The following SDC2 variants were observed in gnomAD, a reference collection of about 807,000 sequenced individuals.
The protein encoded by SDC2 is syndecan-2.
A neutral mutation model predicts 22.2 loss-of-function variants in SDC2; 13 were observed. The ratio of observed to expected loss-of-function variants is 0.59; its 90% confidence interval spans 0.38 to 0.93. SDC2 has a LOEUF of 0.93. SDC2 is among the 40% of genes least tolerant of loss of function. The probability of loss-of-function intolerance (pLI) is 0.00; values close to 1 mark genes in which losing one functional copy is unlikely to be tolerated. For synonymous variants in SDC2, 94 were observed against 92.8 expected, an observed-to-expected ratio of 1.01 and a Z score of -0.07; for missense variants, 235 against 246.8, an observed-to-expected ratio of 0.95 and a Z score of 0.32.
At chr8:96,592,138 G>T (rs1814791172) in intron 1 of SDC2, among the ~76,000 whole-genome samples, 1 of 152,256 alleles carries the variant, frequency 6.6e-6, no homozygotes, top group African/African-American at 2.4e-5. Context: ...GAATCCACCA[G>T]TGTGATAGCT....
At chr8:96,607,615 T>C (rs1815102990) in intron 3 of SDC2, among the ~76,000 whole-genome samples, 1 of 152,164 alleles carries the variant, frequency 6.6e-6, no homozygotes, top group African/African-American at 2.4e-5. Flanking sequence ...TTGGGAATAA[T>C]GCTGACTAGA....
At chr8:96,583,392 A>ATGTGTG (rs71267269) in intron 1 of SDC2, among the ~76,000 whole-genome samples, 39 of 102,266 alleles carry the variant, frequency 3.8e-4, no homozygotes, top group African/African-American at 1.4e-3. Context: ...TATATGACAT[A>ATGTGTG]TGTGTGTGTG....
At chr8:96,586,481 A>G (rs1203421652) in intron 1 of SDC2, 1 of 152,252 alleles carries the variant, frequency 6.6e-6, no homozygotes, top group East Asian at 1.9e-4. Context: ...TCAGTGGTAT[A>G]AGAAGAGCCC....
intron 1 of SDC2, among the ~76,000 whole-genome samples, chr8:96,498,871 G>A: frequency 6.6e-6 from 1 of 152,038 alleles, no homozygotes; most frequent in South Asian, 2.1e-4. Context: ...TCTTCCTTGG[G>A]GGCATGCCAG....
intron 2 of SDC2, among the ~76,000 whole-genome samples, chr8:96,597,159 A>C (rs1563676016): frequency 6.6e-6 from 1 of 152,236 alleles, no homozygotes; most frequent in East Asian, 1.9e-4. Context: ...TATGTAAGAC[A>C]GAGAAAATAA....
intron 3 of SDC2, among the ~76,000 whole-genome samples, chr8:96,605,959 C>T (rs1266032354): frequency 6.6e-6 from 1 of 152,156 alleles, no homozygotes; most frequent in African/African-American, 2.4e-5. Flanking sequence ...CTCTTTAAGC[C>T]TCTAGACTTA....
intron 3 of SDC2, 115 bp downstream of exon 3, chr8:96,602,643 A>C: frequency 1.7e-6 from 2 of 1,151,490 alleles, no homozygotes; most frequent in Non-Finnish European, 2.5e-6. Flanking sequence ...GCTACCCATC[A>C]TGAACTATGT....
chr8:96,541,878 A>G (rs1813856148), intron 1 of SDC2, among the ~76,000 whole-genome samples: 1 of 152,194 alleles, frequency 6.6e-6, no homozygotes, highest in African/African-American at 2.4e-5. Flanking sequence ...CACAGTTTTT[A>G]AAAATGTTTA....
intron 3 of SDC2, among the ~76,000 whole-genome samples, chr8:96,604,428 G>A (rs1358941052): frequency 6.6e-6 from 1 of 151,972 alleles, no homozygotes; most frequent in Non-Finnish European, 1.5e-5. Flanking sequence ...CCATTTATAG[G>A]AGATTTGTTG....
At chr8:96,596,199 G>A (rs1413458158) in intron 2 of SDC2, among the ~76,000 whole-genome samples, 1 of 152,210 alleles carries the variant, frequency 6.6e-6, no homozygotes, top group East Asian at 1.9e-4. Context: ...TAGTGAGAAA[G>A]TGAGGGAGTT....
rs544268811 is a variant in SDC2 at position 96,542,722 on chromosome 8, T to A, written c.60+48391T>A. 5.9e-5 allele frequency among the ~76,000 whole-genome samples: 9 copies of A among 152,098 alleles called. No individual in the cohort carries two copies. The East Asian group carries it at 1.7e-3, about 29-fold the overall frequency. ...GGTGGGAATTCAGGGCGGGGGTAAG[T>A]CAGAATATTTATGTTCTAGTTCAGC... On this transcript the variant is annotated intron_variant, in intron 1 of 4. Coordinates refer to ENST00000302190, the MANE Select transcript of SDC2 (RefSeq NM_002998.4).
intron 1 of SDC2, among the ~76,000 whole-genome samples, chr8:96,553,988 C>T (rs1038322956): frequency 6.6e-6 from 1 of 151,956 alleles, no homozygotes; most frequent in African/African-American, 2.4e-5. Flanking sequence ...CGGGGTTTCA[C>T]CATGTTGCCC....
intron 1 of SDC2, among the ~76,000 whole-genome samples, chr8:96,534,596 G>C (rs764962141): frequency 1.2e-4 from 18 of 151,862 alleles, no homozygotes; most frequent in Non-Finnish European, 2.1e-4. Flanking sequence ...CACCATACCT[G>C]GCTATTTTTT....
At chr8:96,601,361 G>A (rs1310270924) in intron 2 of SDC2, among the ~76,000 whole-genome samples, 4 of 152,058 alleles carry the variant, frequency 2.6e-5, no homozygotes, top group Non-Finnish European at 5.9e-5. Context: ...CCAGGAGAGG[G>A]CCAGGCACGG....
chr8:96,556,695 A>G (rs1330061734), intron 1 of SDC2, among the ~76,000 whole-genome samples: 2 of 152,220 alleles, frequency 1.3e-5, no homozygotes, highest in African/African-American at 4.8e-5. Flanking sequence ...AGGCAGTACC[A>G]TTGAGGACAT....
intron 1 of SDC2, among the ~76,000 whole-genome samples, chr8:96,589,924 G>A (rs1300513574): frequency 1.3e-5 from 2 of 152,236 alleles, no homozygotes; most frequent in African/African-American, 4.8e-5. Flanking sequence ...GCAAAGGGGT[G>A]GAGATAGGAG....
chr8:96,520,396 C>G (rs2130458241), intron 1 of SDC2, among the ~76,000 whole-genome samples: 1 of 152,286 alleles, frequency 6.6e-6, no homozygotes, highest in South Asian at 2.1e-4. Flanking sequence ...TGCTGCTTCA[C>G]TCACTCTTAC....
At chr8:96,604,556 G>T (rs1045214164) in intron 3 of SDC2, among the ~76,000 whole-genome samples, 1 of 152,104 alleles carries the variant, frequency 6.6e-6, no homozygotes, top group Non-Finnish European at 1.5e-5. Flanking sequence ...TGGTACAGCC[G>T]AATTGAACAT....
chr8:96,506,932 C>A (rs899099815), intron 1 of SDC2, among the ~76,000 whole-genome samples: 7 of 151,098 alleles, frequency 4.6e-5, no homozygotes, highest in African/African-American at 1.5e-4. Flanking sequence ...TGGCGTGAAC[C>A]CGAGAGGTGG....
Sources: allele counts gnomAD v4.1 joint callset (sites outside exome capture counted in the v4.1 genomes callset), GRCh38; gene constraint gnomAD v4.1.1; transcripts MANE v1.5; gene names NCBI Gene and HGNC (gene_info 2026-07-23, HGNC 2026-07-21).